The following SMURF2 variants were observed in gnomAD, a reference collection of about 807,000 sequenced individuals.
The protein encoded by SMURF2 is SMAD specific E3 ubiquitin protein ligase 2.
SMURF2 carries 48 observed loss-of-function variants against 109.6 expected under a neutral mutation model. The observed-to-expected ratio is 0.44, with a 90% CI of 0.35 to 0.56. SMURF2 has a LOEUF of 0.56. Ranked by LOEUF, SMURF2 falls within the 20% of genes least tolerant of loss-of-function variation. The pLI is 0.01. For missense variants in SMURF2, 575 were observed against 909.0 expected (o/e 0.63, Z 4.72); for synonymous variants, 288 against 317.1 (o/e 0.91, Z 0.97).
At chr17:64,607,369 C>T (rs7225262) in intron 1 of SMURF2, among the ~76,000 whole-genome samples, 34,743 of 151,870 alleles carry the variant, frequency 0.23, 7,644 homozygotes, top group African/African-American at 0.58. Context: ...GGCTCACACC[C>T]GTAATCCCAG....
intron 1 of SMURF2, among the ~76,000 whole-genome samples, chr17:64,631,722 G>C (rs1970350873): frequency 6.6e-6 from 1 of 152,036 alleles, no homozygotes; most frequent in South Asian, 2.1e-4. Flanking sequence ...TTCCACCTCT[G>C]CCCTCATTTT....
At chr17:64,557,581 A>G in intron 13 of SMURF2, 27 bp downstream of exon 13, 1 of 1,354,206 alleles carries the variant, frequency 7.4e-7, no homozygotes, top group Non-Finnish European at 1.1e-6. Flanking sequence ...TATTGGTCAC[A>G]ATTCACATCA....
chr17:64,608,300 A>G (rs1237087368), intron 1 of SMURF2, among the ~76,000 whole-genome samples: 1 of 152,074 alleles, frequency 6.6e-6, no homozygotes. Flanking sequence ...GGGTTCACAT[A>G]AAAAAACCTT....
At chr17:64,588,046 A>G (rs1251329421) in intron 5 of SMURF2, among the ~76,000 whole-genome samples, 1 of 142,790 alleles carries the variant, frequency 7.0e-6, no homozygotes, top group African/African-American at 2.8e-5. Flanking sequence ...GCAAAGTAGG[A>G]AAAAAAAAAA....
intron 3 of SMURF2, 94 bp from the exon 4 acceptor site, chr17:64,593,667 A>T (rs1969779392): frequency 9.2e-7 from 1 of 1,082,884 alleles, no homozygotes; most frequent in African/African-American, 1.6e-5. Flanking sequence ...AAAGTTACTA[A>T]TATGCTTCAG....
chr17:64,585,053 A>G (rs1419660690), intron 6 of SMURF2, among the ~76,000 whole-genome samples: 1 of 152,240 alleles, frequency 6.6e-6, no homozygotes, highest in Non-Finnish European at 1.5e-5. Context: ...TAAATACCAT[A>G]ACCTGGGTAT....
intron 1 of SMURF2, among the ~76,000 whole-genome samples, chr17:64,656,922 T>C (rs1208932728): frequency 6.6e-6 from 1 of 152,060 alleles, no homozygotes; most frequent in Non-Finnish European, 1.5e-5. Context: ...TTAAAAAAAA[T>C]GAACATCTTG....
At position 64,571,932 on chromosome 17, in the gene SMURF2, T is replaced by C; in HGVS notation, c.882A>G (p.Glu294=). ...VPRDLSNINC[E]ELGPLPPGWE... The stretch of plus-strand genomic sequence containing the variant: ...ATCCAGGAGGCAATGGACCAAGCTC[T>C]TCACAATTGATGTTGCTAAGATCCC... Residue 294 remains glutamate (E), a synonymous_variant, in exon 10 of 19, where the codon GAA becomes GAG. Coordinates refer to ENST00000262435, the MANE Select transcript of SMURF2 (RefSeq NM_022739.4). 1 of 1,612,444 alleles carries C rather than the reference T, an allele frequency of 6.2e-7. No homozygotes were observed. Among genetic ancestry groups the C allele is most frequent in the Non-Finnish European group, 8.5e-7 (1 of 1,179,394 alleles).
chr17:64,591,129 T>G lies in SMURF2; in HGVS notation c.355A>C (p.Lys119Gln), dbSNP rs782735115. ...GTATCATTGTCATTTGGCCCGAGTTTGCATAAATCCAACCTCTGATCTATT... is the reference window on the plus strand; with the variant it reads ...GTATCATTGTCATTTGGCCCGAGTTGGCATAAATCCAACCTCTGATCTATT... ...DTGYQRLDLC[K>Q]LGPNDNDTVR... The change falls in exon 5 of 19, where the codon AAA becomes CAA. Residue 119 changes from lysine to glutamine, a missense_variant. Lys to Gln is a moderately conservative substitution (Grantham distance 53). Transcript: ENST00000262435. 1 of 1,613,210 alleles carries G rather than the reference T, an allele frequency of 6.2e-7. No individual in the cohort carries two copies. The highest frequency in any genetic ancestry group is 2.2e-5 in the East Asian group (1 of 44,746).
chr17:64,611,283 T>C (rs1555689551), intron 1 of SMURF2, among the ~76,000 whole-genome samples: 1 of 152,182 alleles, frequency 6.6e-6, no homozygotes, highest in African/African-American at 2.4e-5. Flanking sequence ...TTCCTCTCTC[T>C]CAAAAAATAA....
At chr17:64,646,408 A>C (rs1970560502) in intron 1 of SMURF2, among the ~76,000 whole-genome samples, 1 of 135,504 alleles carries the variant, frequency 7.4e-6, no homozygotes, top group Non-Finnish European at 1.6e-5. Context: ...AATTGAGACA[A>C]GGTCTGGCTC....
chr17:64,601,835 G>GGTGTGT (rs546731309), intron 2 of SMURF2, among the ~76,000 whole-genome samples: 6 of 148,934 alleles, frequency 4.0e-5, no homozygotes, highest in Non-Finnish European at 8.9e-5. Flanking sequence ...AAAGAAATGT[G>GGTGTGT]GTGTGTGTGT....
intron 1 of SMURF2, among the ~76,000 whole-genome samples, chr17:64,631,322 GAGAGAC>G (rs1568203023): frequency 1.2e-4 from 15 of 123,022 alleles, no homozygotes; most frequent in African/African-American, 2.4e-4. Context: ...GAGAGAGAGA[GAGAGAC>G]AGAGAGAGAG....
At chr17:64,574,249 A>G (rs183414209) in intron 9 of SMURF2, among the ~76,000 whole-genome samples, 8 of 152,374 alleles carry the variant, frequency 5.3e-5, no homozygotes, top group African/African-American at 1.7e-4. Context: ...GTGCTAAAGC[A>G]CTGATTAAAA....
chr17:64,611,158 AT>A (rs1970039010), intron 1 of SMURF2, among the ~76,000 whole-genome samples: 1 of 152,202 alleles, frequency 6.6e-6, no homozygotes, highest in Non-Finnish European at 1.5e-5. Context: ...CACAGTGTCC[AT>A]TTTTGTAAAT....
chr17:64,585,032 T>A (rs1401899459), intron 6 of SMURF2, among the ~76,000 whole-genome samples: 1 of 152,176 alleles, frequency 6.6e-6, no homozygotes, highest in Non-Finnish European at 1.5e-5. Flanking sequence ...TTTAACAGTT[T>A]AAAAAATGAG....
At chr17:64,633,348 C>T (rs1193112551) in intron 1 of SMURF2, among the ~76,000 whole-genome samples, 6 of 152,212 alleles carry the variant, frequency 3.9e-5, no homozygotes, top group African/African-American at 1.4e-4. Context: ...AATCAGGGTC[C>T]CTCAAAATCA....
In SMURF2 at chr17:64,551,575, T is replaced by TGCACTAAC; in HGVS notation, c.1869+1_1869+8dup. The TGCACTAAC allele has an allele frequency of 6.2e-7, 1 of 1,613,472 alleles. No homozygotes were observed. Among genetic ancestry groups the TGCACTAAC allele is most frequent in the Non-Finnish European group, 8.5e-7 (1 of 1,179,650 alleles). On this transcript the variant is annotated intron_variant, in intron 16 of 18. Transcript: ENST00000262435. ...TACACTAGTGATGTTATAATACTAA[T>TGCACTAAC]GCACTAACCTCTAACTCCTTCTCAT...
At chr17:64,552,259 C>A (rs1969055987) in intron 15 of SMURF2, among the ~76,000 whole-genome samples, 1 of 152,130 alleles carries the variant, frequency 6.6e-6, no homozygotes, top group South Asian at 2.1e-4. Context: ...TATAAAAATT[C>A]TGGAAGATGT....
Sources: gnomAD v4.1 joint callset for allele counts (sites outside exome capture counted in the v4.1 genomes callset) on GRCh38, gnomAD v4.1.1 for gene constraint, MANE v1.5 for transcripts, NCBI Gene and HGNC (gene_info 2026-07-23, HGNC 2026-07-21) for gene names.